TRIM9: variants seen among roughly 807,000 people sequenced by gnomAD.
The protein encoded by TRIM9 is E3 ubiquitin-protein ligase TRIM9.
TRIM9 carries 26 observed loss-of-function variants against 78.3 expected under a neutral mutation model. The ratio of observed to expected loss-of-function variants is 0.33; its 90% CI spans 0.24 to 0.46. The LOEUF is 0.46. Among genes scored for constraint, TRIM9 ranks in the 20% least tolerant of loss-of-function variants. TRIM9 has a pLI of 1.00. For missense variants in TRIM9, 787 were observed against 1,036.4 expected, an observed-to-expected ratio of 0.76 and a Z score of 3.30; for synonymous variants, 398 against 416.5, an observed-to-expected ratio of 0.96 and a Z score of 0.54.
chr14:51,062,498 G>T (rs1244695799), intron 1 of TRIM9, among the ~76,000 whole-genome samples: 1 of 152,120 alleles, frequency 6.6e-6, no homozygotes, highest in African/African-American at 2.4e-5. Context: ...AATATATGTA[G>T]ATATTTGAAA....
intron 1 of TRIM9, among the ~76,000 whole-genome samples, chr14:51,039,435 G>A (rs905083670): frequency 2.0e-5 from 3 of 152,190 alleles, no homozygotes; most frequent in African/African-American, 4.8e-5. Context: ...GTATTCACGC[G>A]ATTCAATACT....
intron 1 of TRIM9, among the ~76,000 whole-genome samples, chr14:51,033,058 A>G (rs2058865210): frequency 6.6e-6 from 1 of 152,184 alleles, no homozygotes; most frequent in Non-Finnish European, 1.5e-5. Context: ...ATTCTGGATA[A>G]GAGATAATCA....
intron 1 of TRIM9, among the ~76,000 whole-genome samples, chr14:51,092,353 G>A (rs139023897): frequency 3.9e-5 from 6 of 152,262 alleles, no homozygotes; most frequent in South Asian, 2.1e-4. Flanking sequence ...ACATTCAACC[G>A]GGTTAAGGAG....
intron 1 of TRIM9, among the ~76,000 whole-genome samples, chr14:51,032,874 T>C (rs1040874470): frequency 6.6e-6 from 1 of 152,214 alleles, no homozygotes; most frequent in Admixed American, 6.5e-5. Flanking sequence ...ATCCAAAATC[T>C]GAAACATTTC....
intron 5 of TRIM9, among the ~76,000 whole-genome samples, chr14:51,008,106 A>T (rs932656122): frequency 2.0e-5 from 3 of 152,208 alleles, no homozygotes; most frequent in African/African-American, 7.2e-5. Context: ...AAAACTATAG[A>T]GATGGAGAAA....
chr14:50,985,193 T>C (rs2052532404), intron 8 of TRIM9, among the ~76,000 whole-genome samples: 1 of 152,244 alleles, frequency 6.6e-6, no homozygotes, highest in Admixed American at 6.5e-5. Flanking sequence ...AAGTCTAGCT[T>C]TGCTGAAATC....
chr14:51,043,907 T>G (rs2059754307), intron 1 of TRIM9, among the ~76,000 whole-genome samples: 1 of 152,190 alleles, frequency 6.6e-6, no homozygotes, highest in African/African-American at 2.4e-5. Context: ...GTTTAAATTA[T>G]TATTATATTA....
intron 1 of TRIM9, among the ~76,000 whole-genome samples, chr14:51,057,507 C>A (rs570608957): frequency 9.0e-4 from 137 of 152,156 alleles, no homozygotes; most frequent in African/African-American, 3.2e-3. Context: ...ATTGTATCTG[C>A]TAAAATAAAA....
intron 1 of TRIM9, among the ~76,000 whole-genome samples, chr14:51,060,625 C>G (rs1035388045): frequency 1.3e-5 from 2 of 152,168 alleles, no homozygotes; most frequent in Non-Finnish European, 2.9e-5. Flanking sequence ...TGCCACCACG[C>G]CCGGCTAATT....
chr14:51,038,234 C>T (rs886430290), intron 1 of TRIM9, among the ~76,000 whole-genome samples: 1 of 152,076 alleles, frequency 6.6e-6, no homozygotes, highest in African/African-American at 2.4e-5. Flanking sequence ...CAGAGAGAAG[C>T]CACATTGCTG....
chr14:51,094,069 G>A (rs753210649), intron 1 of TRIM9, 49 bp downstream of exon 1: 12 of 1,552,764 alleles, frequency 7.7e-6, no homozygotes, highest in Middle Eastern at 1.7e-4. Flanking sequence ...CTGCAAAACC[G>A]GATGATCGGA....
At chr14:51,026,605 A>G (rs2058253488) in intron 1 of TRIM9, among the ~76,000 whole-genome samples, 1 of 152,136 alleles carries the variant, frequency 6.6e-6, no homozygotes, top group Non-Finnish European at 1.5e-5. Flanking sequence ...TCCTTTCTGT[A>G]AAAGGGCAGA....
chr14:51,073,563 G>A (rs1252757529), intron 1 of TRIM9, among the ~76,000 whole-genome samples: 1 of 152,182 alleles, frequency 6.6e-6, no homozygotes, highest in East Asian at 1.9e-4. Flanking sequence ...ACTGTATGAT[G>A]ACATTTATAT....
intron 1 of TRIM9, among the ~76,000 whole-genome samples, chr14:51,047,907 C>G (rs2060075390): frequency 6.6e-6 from 1 of 151,824 alleles, no homozygotes; most frequent in South Asian, 2.1e-4. Flanking sequence ...TAGCAGTGAG[C>G]CAAGTTCGCA....
intron 1 of TRIM9, among the ~76,000 whole-genome samples, chr14:51,078,083 A>G (rs568235725): frequency 3.3e-5 from 5 of 152,220 alleles, no homozygotes; most frequent in Non-Finnish European, 7.3e-5. Flanking sequence ...TGGTCTCATC[A>G]TCAGTATCCT....
intron 5 of TRIM9, among the ~76,000 whole-genome samples, chr14:51,008,734 C>T (rs747696000): frequency 6.6e-6 from 1 of 152,196 alleles, no homozygotes; most frequent in Non-Finnish European, 1.5e-5. Context: ...ATTCTGGACT[C>T]CCCTGATTTA....
At chr14:50,992,087 A>T (rs1251272361) in intron 7 of TRIM9, among the ~76,000 whole-genome samples, 3 of 152,182 alleles carry the variant, frequency 2.0e-5, no homozygotes, top group Admixed American at 6.5e-5. Flanking sequence ...TGTTTAGTTT[A>T]TGTAGTGGTT....
intron 1 of TRIM9, among the ~76,000 whole-genome samples, chr14:51,076,809 C>G (rs1220090904): frequency 2.6e-5 from 4 of 152,236 alleles, no homozygotes; most frequent in Non-Finnish European, 5.9e-5. Context: ...AGTTCACAGC[C>G]TACCACCGTC....
rs143162240 is a variant in TRIM9 at position 51,087,270 on chromosome 14, A to G, written c.822+6848T>C. Among the ~76,000 whole-genome samples the G allele has an allele frequency of 2.9e-4, 44 of 152,226 alleles. 1 individual carries two copies. In the East Asian group the frequency reaches 8.1e-3, roughly 28 times the overall value. On this transcript the variant is annotated intron_variant, in intron 1 of 12. Transcript: ENST00000684578. ...GAGGGTGTCAAGGAGAAGATAGCTA[A>G]GCAGGCAGATGGGATTGTGACTAGA...
Sources: gnomAD v4.1 joint callset for allele counts (sites outside exome capture counted in the v4.1 genomes callset) on GRCh38, gnomAD v4.1.1 for gene constraint, MANE v1.5 for transcripts, NCBI Gene and HGNC (gene_info 2026-07-23, HGNC 2026-07-21) for gene names.